The following RBBP8 variants were observed in gnomAD, a reference collection of about 807,000 sequenced individuals.
RBBP8 encodes RB binding protein 8, endonuclease, also known as DNA endonuclease RBBP8.
RBBP8 carries 88 observed loss-of-function variants against 108.3 expected under a neutral mutation model. That is an observed-to-expected ratio of 0.81 (90% CI 0.68 to 0.97). RBBP8 has a LOEUF of 0.97. Among genes scored for constraint, RBBP8 ranks in the 50% least tolerant of loss-of-function variants. RBBP8 has a pLI of 0.00. For missense variants in RBBP8, 1,023 were observed against 1,049.0 expected, an observed-to-expected ratio of 0.98 and a Z score of 0.34; for synonymous variants, 332 against 348.2, an observed-to-expected ratio of 0.95 and a Z score of 0.52.
At chr18:22,979,573 C>A (rs146880181) in intron 6 of RBBP8, among the ~76,000 whole-genome samples, 436 of 152,208 alleles carry the variant, frequency 2.9e-3, no homozygotes, top group Middle Eastern at 0.01. Context: ...CAAGTTGATA[C>A]GAGTCTAATA....
chr18:22,934,022 A>C (rs1425754017), intron 1 of RBBP8: 1 of 152,756 alleles, frequency 6.5e-6, no homozygotes, highest in Non-Finnish European at 1.5e-5. Context: ...GTGTGATGAA[A>C]TGTGCCTCTC....
intron 9 of RBBP8, among the ~76,000 whole-genome samples, chr18:22,990,053 G>T (rs1172645773): frequency 1.3e-5 from 2 of 152,090 alleles, no homozygotes; most frequent in Admixed American, 1.3e-4. Flanking sequence ...GTCCTTTCTA[G>T]TTTTAAATTC....
At chr18:22,921,915 A>C (rs1909610208) in intron 3 of RBBP8, among the ~76,000 whole-genome samples, 1 of 152,200 alleles carries the variant, frequency 6.6e-6, no homozygotes, top group African/African-American at 2.4e-5. Context: ...ACACTAGTAA[A>C]GTTATAGTAA....
rs75974757 is a variant in RBBP8, at chr18:22,980,401, G to C, written c.429-1817G>C. On this transcript the variant is annotated intron_variant, in intron 6 of 18. Coordinates refer to ENST00000327155, the MANE Select transcript of RBBP8 (RefSeq NM_002894.3). ...AATTTTAAACGGTAAAATTCCAGCA[G>C]ACTTGAAGGAGATTAGAGAGATAAT... 1.4e-3 allele frequency among the ~76,000 whole-genome samples: 209 copies of C among 152,290 alleles called. 6 individuals are homozygous for C. In the East Asian group the frequency reaches 0.021, roughly 15 times the overall value.
chr18:23,004,346 A>C (rs2046002688), intron 15 of RBBP8, among the ~76,000 whole-genome samples: 1 of 152,082 alleles, frequency 6.6e-6, no homozygotes, highest in African/African-American at 2.4e-5. Flanking sequence ...AAAAGAACAA[A>C]ATTCTGTCAT....
In RBBP8 at chr18:22,996,396, G is replaced by T. The variant is rs769533845; in HGVS notation, c.1962G>T (p.Gln654His). Residue 654 changes from glutamine to histidine, a missense_variant, in exon 13 of 19, where the codon CAG (glutamine) becomes CAT (histidine). Gln to His is a conservative substitution (Grantham distance 24). Transcript: ENST00000327155. ...NNQDVSFENI[Q>H]WSIDPGADLS... is the part of the protein sequence containing the mutation. Reference sequence around the variant, plus strand: ...AAGATGTATCCTTTGAAAATATCCAGTGGAGTATAGATCCGGGAGCAGACC... The same window carrying T: ...AAGATGTATCCTTTGAAAATATCCATTGGAGTATAGATCCGGGAGCAGACC... 2 of 1,613,612 alleles carry T rather than the reference G, an allele frequency of 1.2e-6. No individual in the cohort carries two copies. Among genetic ancestry groups the T allele is most frequent in the African/African-American group, 1.3e-5 (1 of 75,016 alleles).
At chr18:22,916,806 C>G (rs1909380077) in intron 2 of RBBP8, 1 of 152,082 alleles carries the variant, frequency 6.6e-6, no homozygotes, top group Non-Finnish European at 1.5e-5. Context: ...CATTTTCTGA[C>G]TCAATATTGC....
intron 8 of RBBP8, among the ~76,000 whole-genome samples, chr18:22,986,210 C>T (rs1041657669): frequency 1.8e-4 from 27 of 151,942 alleles, no homozygotes; most frequent in Non-Finnish European, 1.9e-4. Context: ...GAAGGAGCTG[C>T]CAATGAGATA....
intron 3 of RBBP8, among the ~76,000 whole-genome samples, chr18:22,924,060 A>G (rs1448497049): frequency 6.6e-6 from 1 of 151,954 alleles, no homozygotes. Flanking sequence ...TTAAATTACA[A>G]TCAAATTTTA....
chr18:22,986,741 T>G (rs1915350850), intron 8 of RBBP8, among the ~76,000 whole-genome samples: 1 of 152,196 alleles, frequency 6.6e-6, no homozygotes, highest in Non-Finnish European at 1.5e-5. Context: ...AATCACTTAT[T>G]CATTTTATAA....
intron 3 of RBBP8, among the ~76,000 whole-genome samples, chr18:22,923,257 T>C (rs1909668437): frequency 6.6e-6 from 1 of 152,232 alleles, no homozygotes; most frequent in African/African-American, 2.4e-5. Flanking sequence ...GAAATTAAAT[T>C]ATTTGCTCAA....
intron 6 of RBBP8, among the ~76,000 whole-genome samples, chr18:22,977,332 T>C (rs993430914): frequency 2.6e-5 from 4 of 152,014 alleles, no homozygotes; most frequent in Admixed American, 2.0e-4. Flanking sequence ...TAGAAGAAAA[T>C]ATTATTTGAC....
chr18:22,982,223 A>G lies in RBBP8; in HGVS notation c.434A>G (p.Asp145Gly). 1 of 1,613,308 alleles carries G rather than the reference A, an allele frequency of 6.2e-7. No individual in the cohort carries two copies. Among genetic ancestry groups the G allele is most frequent in the Non-Finnish European group, 8.5e-7 (1 of 1,179,294 alleles). Residue 145 changes from aspartate to glycine, a missense_variant, in exon 7 of 19, where the codon GAT becomes GGT. Asp to Gly is a moderately conservative substitution (Grantham distance 94). Coordinates refer to ENST00000327155, the MANE Select transcript of RBBP8 (RefSeq NM_002894.3). Reference protein sequence around the residue: ...SEQLQQKIENDQQHQAAELEC... With the variant: ...SEQLQQKIENGQQHQAAELEC... ...CCATTGTCATTCTTCTCTAGGAATG[A>G]TCAACAGCATCAAGCAGCTGAGCTT...
chr18:23,013,376 G>A lies in RBBP8; in HGVS notation c.2358-3452G>A, dbSNP rs554815357. ...GTCAAAGGTGTCTTTTTGCAGAGTC[G>A]GTTTTTGGGTGGGATCACAAGATCA... On this transcript the variant is annotated intron_variant, in intron 16 of 18. Coordinates refer to ENST00000327155, the MANE Select transcript of RBBP8 (RefSeq NM_002894.3). Among the ~76,000 whole-genome samples the A allele has an allele frequency of 8.5e-5, 13 of 152,168 alleles. No individual in the cohort carries two copies. The South Asian group carries it at 2.7e-3, about 32-fold the overall frequency.
upstream of RBBP8, among the ~76,000 whole-genome samples, chr18:22,931,350 G>A (rs538826847): frequency 6.6e-6 from 1 of 152,278 alleles, no homozygotes; most frequent in South Asian, 2.1e-4. Flanking sequence ...AGGGGTAGCA[G>A]AGGCAATTCA....
chr18:23,025,940 A>G (rs1042220417), intron 18 of RBBP8, among the ~76,000 whole-genome samples: 2 of 152,258 alleles, frequency 1.3e-5, no homozygotes, highest in African/African-American at 4.8e-5. Flanking sequence ...ATATGTAACC[A>G]TTTGGTAAAT....
Position 22,982,076 on chromosome 18 carries a change from T to C in RBBP8, c.429-142T>C, listed in dbSNP as rs1479519509. On this transcript the variant is annotated intron_variant, in intron 6 of 18. Transcript: ENST00000327155. ...GGTACTGTAATCATTCGTGTACTTA[T>C]CTACTTAGGTTTGGAACATTAGATG... The C allele has an allele frequency of 8.6e-6, 8 of 926,964 alleles. No homozygotes were observed. The East Asian group carries it at 1.3e-4, about 15-fold the overall frequency. The allele number at this position is 926,964 out of a possible 1,614,324, so 57.4% of individuals were successfully genotyped here.
At chr18:22,955,936 C>A in intron 4 of RBBP8, among the ~76,000 whole-genome samples, 1 of 152,058 alleles carries the variant, frequency 6.6e-6, no homozygotes, top group East Asian at 1.9e-4. Flanking sequence ...ATGATGCCTC[C>A]CCTTTATATT....
At chr18:22,981,300 CTG>C (rs1418428135) in intron 6 of RBBP8, among the ~76,000 whole-genome samples, 1 of 152,064 alleles carries the variant, frequency 6.6e-6, no homozygotes, top group African/African-American at 2.4e-5. Flanking sequence ...ACTCTTGTGA[CTG>C]TTGTTGAGAG....
Sources: allele counts gnomAD v4.1 joint callset (sites outside exome capture counted in the v4.1 genomes callset), GRCh38; gene constraint gnomAD v4.1.1; transcripts MANE v1.5; gene names NCBI Gene and HGNC (gene_info 2026-07-23, HGNC 2026-07-21).